Variants in DDR2 observed in about 807,000 individuals in gnomAD.
DDR2 encodes the protein discoidin domain receptor tyrosine kinase 2.
A neutral mutation model predicts 94.9 loss-of-function variants in DDR2; 27 were observed. That is an observed-to-expected ratio of 0.28 (90% CI 0.21 to 0.39). The LOEUF (loss-of-function observed/expected upper bound fraction) is 0.39. DDR2 is among the 10% of genes least tolerant of loss of function. DDR2 has a pLI of 1.00. For missense variants in DDR2, 783 were observed against 1,076.0 expected (o/e 0.73, Z 3.81); for synonymous variants, 382 against 377.2 (o/e 1.01, Z -0.15).
chr1:162,774,617 C>G (rs1304332649), intron 14 of DDR2, among the ~76,000 whole-genome samples: 1 of 152,132 alleles, frequency 6.6e-6, no homozygotes, highest in East Asian at 1.9e-4. Flanking sequence ...TTATATTAAT[C>G]TTAGCACATG....
At chr1:162,701,481 A>G (rs1660429388) in intron 2 of DDR2, among the ~76,000 whole-genome samples, 1 of 152,240 alleles carries the variant, frequency 6.6e-6, no homozygotes, top group African/African-American at 2.4e-5. Context: ...TATCAGTATG[A>G]ATAAAGTAGC....
Position 162,780,419 on chromosome 1 carries a change from ACTTT to A in DDR2, c.*174_*177del. 1.1e-5 allele frequency: 7 copies of A among 630,044 alleles called. No homozygotes were observed. Among genetic ancestry groups the A allele is most frequent in the Non-Finnish European group, 1.4e-5 (6 of 439,752 alleles). The allele number at this position is 630,044 out of a possible 1,614,324, so 39.0% of individuals were successfully genotyped here. ...CACTCCCTACCCCTGACTCATATAC[ACTTT>A]TTTTTTTTTTTACATTAAAGAACTA... On this transcript the variant is annotated 3_prime_UTR_variant, in exon 18 of 18. Transcript: ENST00000367921.
chr1:162,759,061 G>A (rs1663592783), intron 7 of DDR2, among the ~76,000 whole-genome samples: 2 of 152,246 alleles, frequency 1.3e-5, no homozygotes, highest in East Asian at 1.9e-4. Context: ...AGTCAAAAAA[G>A]CCTGCTAAGC....
chr1:162,709,787 G>A (rs186541619), intron 2 of DDR2, among the ~76,000 whole-genome samples: 1 of 152,346 alleles, frequency 6.6e-6, no homozygotes. Context: ...AGAGGTGAGA[G>A]TAAAAGATCC....
chr1:162,669,135 A>T (rs1161253180), intron 2 of DDR2, among the ~76,000 whole-genome samples: 1 of 152,258 alleles, frequency 6.6e-6, no homozygotes, highest in Non-Finnish European at 1.5e-5. Flanking sequence ...GATTTCAAAC[A>T]TGCAAACAAT....
chr1:162,640,892 G>A (rs548693236), intron 1 of DDR2, among the ~76,000 whole-genome samples: 1 of 152,074 alleles, frequency 6.6e-6, no homozygotes, highest in East Asian at 1.9e-4. Context: ...CGACTAGCTG[G>A]GACTATATGT....
intron 4 of DDR2, 117 bp downstream of exon 4, chr1:162,753,314 A>T: frequency 9.7e-6 from 9 of 925,290 alleles, no homozygotes; most frequent in Non-Finnish European, 1.5e-5. Flanking sequence ...CTGTTGAGAA[A>T]TGAAGGACAG....
intron 2 of DDR2, among the ~76,000 whole-genome samples, chr1:162,677,703 T>C (rs1390787321): frequency 2.0e-5 from 3 of 152,180 alleles, no homozygotes; most frequent in Non-Finnish European, 4.4e-5. Context: ...AACCCTCACC[T>C]GGGAACCAGG....
chr1:162,653,243 C>T (rs1273405329), intron 1 of DDR2, among the ~76,000 whole-genome samples: 1 of 152,050 alleles, frequency 6.6e-6, no homozygotes, highest in African/African-American at 2.4e-5. Flanking sequence ...ACAGGATTAA[C>T]CTTTTGCCGT....
intron 11 of DDR2, among the ~76,000 whole-genome samples, chr1:162,769,109 C>A (rs751952445): frequency 6.6e-6 from 1 of 152,206 alleles, no homozygotes; most frequent in Admixed American, 6.5e-5. Flanking sequence ...ATTTACCATA[C>A]TTCTCTGAGT....
chr1:162,670,492 A>G (rs926345749), intron 2 of DDR2, among the ~76,000 whole-genome samples: 2 of 152,234 alleles, frequency 1.3e-5, no homozygotes, highest in African/African-American at 4.8e-5. Flanking sequence ...AAGTCAACCC[A>G]TGATGGATTC....
chr1:162,728,328 T>C (rs1661826422), intron 3 of DDR2, among the ~76,000 whole-genome samples: 1 of 151,652 alleles, frequency 6.6e-6, no homozygotes, highest in African/African-American at 2.4e-5. Context: ...CTAGTTGAGA[T>C]ACTGAAGGTA....
chr1:162,731,735 G>T (rs1662056271), intron 3 of DDR2, among the ~76,000 whole-genome samples: 1 of 152,194 alleles, frequency 6.6e-6, no homozygotes, highest in Admixed American at 6.5e-5. Flanking sequence ...ATTCTATAAA[G>T]TATGCTAACT....
chr1:162,653,252 G>A (rs6694368), intron 1 of DDR2, among the ~76,000 whole-genome samples: 139,337 of 152,264 alleles, frequency 0.92, 64,339 homozygotes, highest in Middle Eastern at 0.98. Flanking sequence ...ACCTTTTGCC[G>A]TCTTAGTACT....
chr1:162,668,767 C>T lies in DDR2; in HGVS notation c.-28+13393C>T, dbSNP rs540259080. 4.6e-5 allele frequency among the ~76,000 whole-genome samples: 7 copies of T among 152,294 alleles called. No homozygotes were observed. In the South Asian group the frequency reaches 1.2e-3, roughly 27 times the overall value. The stretch of plus-strand genomic sequence containing the variant: ...AAGACCCTAGTTTCAAATAAGATTA[C>T]ATTCCTAAGATTACCTATGAATATA... On this transcript the variant is annotated intron_variant, in intron 2 of 17. Transcript: ENST00000367921.
intron 2 of DDR2, among the ~76,000 whole-genome samples, chr1:162,658,850 A>AAATAAATAAATAAATAAATG (rs1438975705): frequency 6.6e-6 from 1 of 151,672 alleles, no homozygotes; most frequent in Non-Finnish European, 1.5e-5. Flanking sequence ...ATAAATAAAT[A>AAATAAATAAATAAATAAATG]AAAGTTCTTC....
chr1:162,632,891 T>C (rs571850028), intron 1 of DDR2, among the ~76,000 whole-genome samples: 5 of 152,124 alleles, frequency 3.3e-5, no homozygotes, highest in Non-Finnish European at 7.4e-5. Context: ...AATAAATGAA[T>C]CTATAGCAGC....
chr1:162,679,289 A>G (rs1297398162), intron 2 of DDR2, among the ~76,000 whole-genome samples: 1 of 152,100 alleles, frequency 6.6e-6, no homozygotes, highest in East Asian at 1.9e-4. Context: ...AAGTGAGAAC[A>G]TGCGATATTT....
At chr1:162,719,722 T>C (rs1243753906) in intron 3 of DDR2, among the ~76,000 whole-genome samples, 1 of 152,208 alleles carries the variant, frequency 6.6e-6, no homozygotes, top group African/African-American at 2.4e-5. Context: ...ATTGTATTAT[T>C]TATTACACAA....
Sources: allele counts gnomAD v4.1 joint callset (sites outside exome capture counted in the v4.1 genomes callset), GRCh38; gene constraint gnomAD v4.1.1; transcripts MANE v1.5; gene names NCBI Gene and HGNC (gene_info 2026-07-23, HGNC 2026-07-21).